The following KANK1 variants were observed in gnomAD, a reference collection of about 807,000 sequenced individuals.
The protein encoded by KANK1 is KN motif and ankyrin repeat domains 1, also known as KN motif and ankyrin repeat domain-containing protein 1.
A neutral mutation model predicts 106.2 loss-of-function variants in KANK1; 109 were observed. The observed-to-expected ratio is 1.03, with a 90% CI of 0.88 to 1.20. KANK1 has a LOEUF of 1.20. Among genes scored for constraint, KANK1 ranks in the 50% most tolerant of loss-of-function variants. The pLI, the probability that KANK1 is intolerant of heterozygous loss-of-function variation, is 0.00. For synonymous variants in KANK1, 873 were observed against 652.2 expected (o/e 1.34, Z -5.16); for missense variants, 2,399 against 1,710.7 (o/e 1.40, Z -7.10).
chr9:493,075 C>CG (rs1165760204), intron 3 of KANK1, among the ~76,000 whole-genome samples: 2 of 151,230 alleles, frequency 1.3e-5, no homozygotes, highest in African/African-American at 4.8e-5. Flanking sequence ...GCCTGGTAGC[C>CG]GGCCTCCCTG....
intron 5 of KANK1, 185 bp downstream of exon 5, chr9:731,451 T>A: frequency 2.1e-6 from 1 of 486,832 alleles, no homozygotes; most frequent in African/African-American, 2.0e-5. Context: ...CTTTAAGGAT[T>A]TGTCACTCTC....
At chr9:726,523 C>T (rs1263460975) in intron 3 of KANK1, among the ~76,000 whole-genome samples, 2 of 152,038 alleles carry the variant, frequency 1.3e-5, no homozygotes, top group African/African-American at 4.8e-5. Flanking sequence ...CCTGTAGCCC[C>T]AGCTACTCGG....
At chr9:633,759 G>C (rs12057074) in intron 1 of KANK1, among the ~76,000 whole-genome samples, 22,570 of 152,070 alleles carry the variant, frequency 0.15, 1,820 homozygotes, top group Admixed American at 0.17. Flanking sequence ...CTCAAAGGGT[G>C]TTCCTGCCTT....
chr9:696,446 G>A (rs1246255426), intron 2 of KANK1, among the ~76,000 whole-genome samples: 1 of 152,202 alleles, frequency 6.6e-6, no homozygotes, highest in Non-Finnish European at 1.5e-5. Context: ...TCCCAGGACA[G>A]AGCAGTTGAG....
chr9:594,643 G>A (rs555591410), intron 1 of KANK1, among the ~76,000 whole-genome samples: 14 of 151,924 alleles, frequency 9.2e-5, no homozygotes, highest in Middle Eastern at 3.4e-3. Context: ...ATGAAATGGA[G>A]AATCCCTGAG....
chr9:543,054 G>T (rs1412173386), intron 1 of KANK1, among the ~76,000 whole-genome samples: 1 of 152,190 alleles, frequency 6.6e-6, no homozygotes, highest in African/African-American at 2.4e-5. Context: ...TAAGTGCGAG[G>T]TGGGTATGTT....
At chr9:602,786 T>G (rs1828093271) in intron 1 of KANK1, among the ~76,000 whole-genome samples, 2 of 151,916 alleles carry the variant, frequency 1.3e-5, no homozygotes, top group African/African-American at 4.9e-5. Context: ...TGATTCAGTA[T>G]AACTTCTTTT....
At chr9:731,395 A>G (rs1832219190) in intron 5 of KANK1, 129 bp downstream of exon 5, 1 of 559,158 alleles carries the variant, frequency 1.8e-6, no homozygotes, top group South Asian at 2.1e-5. Context: ...CTCCTCAGAA[A>G]GGCAGAAAGG....
chr9:671,096 G>C (rs916950976), intron 1 of KANK1, among the ~76,000 whole-genome samples: 5 of 151,808 alleles, frequency 3.3e-5, no homozygotes, highest in Non-Finnish European at 7.4e-5. Flanking sequence ...AGTGAAGCCA[G>C]CTTTCATCTA....
chr9:517,832 A>G (rs1470357890), intron 1 of KANK1, among the ~76,000 whole-genome samples: 2 of 146,866 alleles, frequency 1.4e-5, no homozygotes, highest in Non-Finnish European at 3.0e-5. Flanking sequence ...TCCGCCTCCC[A>G]GGTTCAAGTA....
At chr9:738,827 C>A (rs571232143) in intron 8 of KANK1, among the ~76,000 whole-genome samples, 1 of 152,190 alleles carries the variant, frequency 6.6e-6, no homozygotes, top group Non-Finnish European at 1.5e-5. Flanking sequence ...CTGAATCATG[C>A]GGGCTTGGCC....
chr9:731,368 C>G, intron 5 of KANK1, 102 bp downstream of exon 5: 1 of 634,204 alleles, frequency 1.6e-6, no homozygotes, highest in South Asian at 1.9e-5. Context: ...GGCCACAGCG[C>G]AGTGATGAAA....
chr9:714,236 A>G (rs1589134000), intron 3 of KANK1, among the ~76,000 whole-genome samples: 1 of 152,184 alleles, frequency 6.6e-6, no homozygotes. Context: ...ATAACATGTC[A>G]GGAGGCGATA....
chr9:485,286 A>G (rs903521996), intron 3 of KANK1, among the ~76,000 whole-genome samples: 7 of 152,232 alleles, frequency 4.6e-5, no homozygotes, highest in African/African-American at 1.7e-4. Flanking sequence ...GAGTGATACA[A>G]GGAAACTGTT....
intron 2 of KANK1, among the ~76,000 whole-genome samples, chr9:472,877 C>T (rs992360883): frequency 4.3e-4 from 65 of 152,294 alleles, no homozygotes; most frequent in East Asian, 3.9e-4. Context: ...CCAATTCAGC[C>T]TCCTAATGGT....
chr9:649,474 G>A (rs1436495159), intron 1 of KANK1, among the ~76,000 whole-genome samples: 1 of 152,206 alleles, frequency 6.6e-6, no homozygotes, highest in Non-Finnish European at 1.5e-5. Flanking sequence ...ACTGAGCTGA[G>A]CTGATTTACA....
At chr9:532,964 C>T (rs1395245475) in intron 1 of KANK1, among the ~76,000 whole-genome samples, 5 of 151,986 alleles carry the variant, frequency 3.3e-5, no homozygotes, top group East Asian at 3.9e-4. Context: ...GTTTTGCCGA[C>T]GATAATGGGG....
At chr9:567,328 C>A (rs1228444738) in intron 1 of KANK1, among the ~76,000 whole-genome samples, 1 of 152,192 alleles carries the variant, frequency 6.6e-6, no homozygotes, top group Non-Finnish European at 1.5e-5. Flanking sequence ...ATGCCTACAT[C>A]TTAGCAGAAT....
At chr9:648,242 T>A (rs1171924494) in intron 1 of KANK1, among the ~76,000 whole-genome samples, 1 of 151,984 alleles carries the variant, frequency 6.6e-6, no homozygotes, top group African/African-American at 2.4e-5. Flanking sequence ...GACCCTGTGA[T>A]CCGCCTGCCC....
Sources: allele counts gnomAD v4.1 joint callset (sites outside exome capture counted in the v4.1 genomes callset), GRCh38; gene constraint gnomAD v4.1.1; transcripts MANE v1.5; gene names NCBI Gene and HGNC (gene_info 2026-07-23, HGNC 2026-07-21).